CADM1: variants seen among roughly 807,000 people sequenced by gnomAD.
CADM1 encodes TSLC-1.
In CADM1, 15 loss-of-function variants were observed where a neutral mutation model predicts 53.1. The observed-to-expected ratio is 0.28, with a 90% CI of 0.19 to 0.44. CADM1 has a LOEUF of 0.44. Among genes scored for constraint, CADM1 ranks in the 20% least tolerant of loss-of-function variants. The pLI, the probability that CADM1 is intolerant of heterozygous loss-of-function variation, is 1.00. For missense variants in CADM1, 434 were observed against 611.3 expected, an observed-to-expected ratio of 0.71 and a Z score of 3.06; for synonymous variants, 281 against 243.0, an observed-to-expected ratio of 1.16 and a Z score of -1.45.
chr11:115,263,741 A>G (rs769183350), intron 1 of CADM1, among the ~76,000 whole-genome samples: 2 of 152,234 alleles, frequency 1.3e-5, no homozygotes, highest in African/African-American at 2.4e-5. Flanking sequence ...AGAATTAAGG[A>G]GAACTTAAAA....
chr11:115,242,295 G>A (rs561510662), intron 1 of CADM1, among the ~76,000 whole-genome samples: 3 of 138,316 alleles, frequency 2.2e-5, no homozygotes, highest in South Asian at 2.2e-4. Context: ...TTAGTATGCC[G>A]AACAGTGTTA....
intron 7 of CADM1, among the ~76,000 whole-genome samples, chr11:115,211,475 C>CTTTTTT (rs1224649182): frequency 3.9e-4 from 36 of 92,208 alleles, no homozygotes; most frequent in East Asian, 1.4e-3. Flanking sequence ...AATCCTATTT[C>CTTTTTT]TTTTTTTTTT....
chr11:115,340,519 G>GAA (rs1156429500), intron 1 of CADM1, among the ~76,000 whole-genome samples: 1 of 52,652 alleles, frequency 1.9e-5, no homozygotes, highest in Admixed American at 2.1e-4. Context: ...GTTGTGGAAA[G>GAA]AAAAAAAAAA....
chr11:115,270,910 GCTAA>G (rs1943279034), intron 1 of CADM1, among the ~76,000 whole-genome samples: 1 of 152,094 alleles, frequency 6.6e-6, no homozygotes, highest in Non-Finnish European at 1.5e-5. Flanking sequence ...GCTTATTTCA[GCTAA>G]CTGTGAACCA....
intron 9 of CADM1, among the ~76,000 whole-genome samples, chr11:115,192,386 G>A (rs1939921207): frequency 6.6e-6 from 1 of 152,246 alleles, no homozygotes; most frequent in African/African-American, 2.4e-5. Flanking sequence ...TAAAGGGAAA[G>A]CAGTGAGCAA....
chr11:115,295,517 TATATA>T (rs1454966734), intron 1 of CADM1, among the ~76,000 whole-genome samples: 1 of 57,232 alleles, frequency 1.7e-5, no homozygotes, highest in Non-Finnish European at 2.8e-5. Flanking sequence ...TATATATATA[TATATA>T]TATATATATA....
intron 10 of CADM1, among the ~76,000 whole-genome samples, chr11:115,183,936 A>C (rs893611831): frequency 2.6e-5 from 4 of 152,146 alleles, no homozygotes; most frequent in African/African-American, 7.2e-5. Flanking sequence ...ATTGTTGCGG[A>C]CTTTTTTGCA....
chr11:115,420,851 C>T (rs1411439956), intron 1 of CADM1, among the ~76,000 whole-genome samples: 4 of 152,140 alleles, frequency 2.6e-5, no homozygotes, highest in Admixed American at 1.3e-4. Flanking sequence ...AAAAGTGCAT[C>T]TTCCTAAATC....
intron 1 of CADM1, among the ~76,000 whole-genome samples, chr11:115,305,898 C>T (rs1176590241): frequency 1.6e-5 from 1 of 62,420 alleles, no homozygotes; most frequent in Non-Finnish European, 2.6e-5. Context: ...GAGACTCCAT[C>T]TCAAAAAAAA....
intron 1 of CADM1, among the ~76,000 whole-genome samples, chr11:115,265,414 G>A (rs2135029320): frequency 6.6e-6 from 1 of 152,264 alleles, no homozygotes; most frequent in African/African-American, 2.4e-5. Flanking sequence ...CCAAATCTGG[G>A]AACCTTGGGC....
intron 1 of CADM1, among the ~76,000 whole-genome samples, chr11:115,415,208 T>C (rs919399487): frequency 6.6e-6 from 1 of 152,194 alleles, no homozygotes; most frequent in East Asian, 1.9e-4. Context: ...AGTACTATTA[T>C]GAGATAACAC....
At chr11:115,196,844 C>A (rs1402634893) in intron 9 of CADM1, among the ~76,000 whole-genome samples, 1 of 151,894 alleles carries the variant, frequency 6.6e-6, no homozygotes, top group Non-Finnish European at 1.5e-5. Flanking sequence ...TTAAAATAAC[C>A]CTTTGAGAAT....
intron 9 of CADM1, among the ~76,000 whole-genome samples, chr11:115,196,536 T>G (rs112919121): frequency 7.3e-6 from 1 of 136,516 alleles, no homozygotes; most frequent in South Asian, 2.3e-4. Flanking sequence ...TGGACCACAT[T>G]GGAAGAAGAA....
intron 1 of CADM1, among the ~76,000 whole-genome samples, chr11:115,389,232 A>G (rs1401908466): frequency 6.6e-6 from 1 of 152,186 alleles, no homozygotes; most frequent in East Asian, 1.9e-4. Flanking sequence ...GAATACGGGT[A>G]TACATTGTAC....
chr11:115,274,287 A>C (rs1384189763), intron 1 of CADM1, among the ~76,000 whole-genome samples: 1 of 152,216 alleles, frequency 6.6e-6, no homozygotes, highest in Non-Finnish European at 1.5e-5. Context: ...CTTGCTCTGA[A>C]TCACGGAATG....
chr11:115,437,274 T>C (rs1948204570), intron 1 of CADM1, among the ~76,000 whole-genome samples: 1 of 152,198 alleles, frequency 6.6e-6, no homozygotes, highest in South Asian at 2.1e-4. Context: ...GCTTGTTCAA[T>C]CCTTTCTTGG....
At chr11:115,329,352 G>A (rs1005687507) in intron 1 of CADM1, among the ~76,000 whole-genome samples, 2 of 152,040 alleles carry the variant, frequency 1.3e-5, no homozygotes. Flanking sequence ...TTTTAGGTTG[G>A]ATCTGTGTCT....
intron 4 of CADM1, among the ~76,000 whole-genome samples, chr11:115,230,847 C>G (rs10790068): frequency 6.6e-6 from 1 of 152,116 alleles, no homozygotes; most frequent in Non-Finnish European, 1.5e-5. Flanking sequence ...ACCACTCTTG[C>G]AGGAAAGCAT....
chr11:115,439,979 C>G (rs1030344075), intron 1 of CADM1, among the ~76,000 whole-genome samples: 29 of 152,170 alleles, frequency 1.9e-4, no homozygotes, highest in African/African-American at 7.0e-4. Context: ...CTACAAGTGG[C>G]AGAAACCAGA....
Sources: allele counts gnomAD v4.1 joint callset (sites outside exome capture counted in the v4.1 genomes callset), GRCh38; gene constraint gnomAD v4.1.1; transcripts MANE v1.5; gene names NCBI Gene and HGNC (gene_info 2026-07-23, HGNC 2026-07-21).